The following ZBTB20 variants were observed in gnomAD, a reference collection of about 807,000 sequenced individuals.
ZBTB20 encodes zinc finger and BTB domain-containing protein 20.
ZBTB20 carries 9 observed loss-of-function variants against 56.9 expected under a neutral mutation model. The ratio of observed to expected loss-of-function variants is 0.16; its 90% CI spans 0.10 to 0.28. ZBTB20 has a LOEUF of 0.28. ZBTB20 is among the 10% of genes least tolerant of loss of function. The pLI, the probability that ZBTB20 is intolerant of heterozygous loss-of-function variation, is 1.00. For synonymous variants in ZBTB20, 417 were observed against 420.7 expected (o/e 0.99, Z 0.11); for missense variants, 655 against 1,003.0 (o/e 0.65, Z 4.69).
At chr3:114,880,060 T>C (rs1349236512) in intron 4 of ZBTB20, among the ~76,000 whole-genome samples, 1 of 152,242 alleles carries the variant, frequency 6.6e-6, no homozygotes, top group East Asian at 1.9e-4. Flanking sequence ...TAATGTACCC[T>C]GAATGTTTCA....
At chr3:115,062,927 T>C (rs558946105) in intron 2 of ZBTB20, among the ~76,000 whole-genome samples, 4 of 152,356 alleles carry the variant, frequency 2.6e-5, no homozygotes, top group African/African-American at 9.6e-5. Context: ...AAAGCAACTA[T>C]GTTTAATTTG....
chr3:115,009,711 T>C (rs533079534), intron 2 of ZBTB20, among the ~76,000 whole-genome samples: 1 of 152,076 alleles, frequency 6.6e-6, no homozygotes, highest in East Asian at 2.0e-4. Flanking sequence ...ATTAATGTTA[T>C]CACAGCAGTA....
intron 1 of ZBTB20, among the ~76,000 whole-genome samples, chr3:115,081,383 T>G (rs1488255893): frequency 6.6e-6 from 1 of 152,098 alleles, no homozygotes; most frequent in African/African-American, 2.4e-5. Context: ...GGAAATAAAC[T>G]ACACTATCCT....
At chr3:114,891,385 A>G (rs1358129225) in intron 4 of ZBTB20, among the ~76,000 whole-genome samples, 2 of 152,210 alleles carry the variant, frequency 1.3e-5, no homozygotes, top group East Asian at 1.9e-4. Context: ...AAAAACCTGT[A>G]TCATGTCTCC....
intron 5 of ZBTB20, among the ~76,000 whole-genome samples, chr3:114,769,869 G>A: frequency 6.6e-6 from 1 of 151,908 alleles, no homozygotes; most frequent in East Asian, 1.9e-4. Flanking sequence ...GACCAGCCTG[G>A]CCCACATGGT....
rs1340365002 is a variant in ZBTB20 at position 114,818,107 on chromosome 3, A to G, written c.-416-16933T>C. On this transcript the variant is annotated intron_variant, in intron 4 of 11. Coordinates refer to ENST00000675478, the MANE Select transcript of ZBTB20 (RefSeq NM_001348800.3). ...TGTGATTAGAAATTCCAATTTCCTA[A>G]TCTTACAGAATATAAACAATCTATA... Among the ~76,000 whole-genome samples, 3 of 152,172 alleles carry G rather than the reference A, an allele frequency of 2.0e-5. No individual in the cohort carries two copies. The South Asian group carries it at 6.2e-4, about 31-fold the overall frequency.
intron 2 of ZBTB20, among the ~76,000 whole-genome samples, chr3:115,039,131 C>T (rs2081045404): frequency 6.6e-6 from 1 of 151,894 alleles, no homozygotes; most frequent in Non-Finnish European, 1.5e-5. Context: ...ATAACAGTAT[C>T]TAGAATGAGG....
chr3:114,416,326 T>TAA (rs35964942), intron 7 of ZBTB20, among the ~76,000 whole-genome samples: 4 of 145,476 alleles, frequency 2.7e-5, no homozygotes, highest in African/African-American at 7.6e-5. Flanking sequence ...TAGCAATACT[T>TAA]AAAAAAAAAA....
intron 3 of ZBTB20, among the ~76,000 whole-genome samples, chr3:114,905,573 T>C (rs1456065215): frequency 1.3e-5 from 2 of 151,882 alleles, no homozygotes; most frequent in Non-Finnish European, 2.9e-5. Flanking sequence ...GCTAAAGGAA[T>C]GTTGCATGAA....
chr3:114,435,800 A>G (rs1328359517), intron 7 of ZBTB20, among the ~76,000 whole-genome samples: 2 of 152,168 alleles, frequency 1.3e-5, no homozygotes, highest in East Asian at 3.8e-4. Flanking sequence ...GCTAGCTCCT[A>G]TGTTAGCTAA....
chr3:114,495,452 TACACACAC>T (rs35156549), intron 7 of ZBTB20, among the ~76,000 whole-genome samples: 1,534 of 149,122 alleles, frequency 0.01, 25 homozygotes, highest in African/African-American at 0.035. Flanking sequence ...AGTCTGTGTA[TACACACAC>T]ACACACACAC....
At chr3:114,966,528 T>C (rs767777580) in intron 3 of ZBTB20, among the ~76,000 whole-genome samples, 4 of 152,138 alleles carry the variant, frequency 2.6e-5, no homozygotes, top group Non-Finnish European at 5.9e-5. Flanking sequence ...CCCCAAGAGA[T>C]AGATGTTATT....
intron 10 of ZBTB20, among the ~76,000 whole-genome samples, chr3:114,360,397 G>A (rs2081715883): frequency 6.7e-6 from 1 of 148,876 alleles, no homozygotes; most frequent in Non-Finnish European, 1.5e-5. Context: ...AGGCTGGAGT[G>A]CAGTGGCGCG....
intron 4 of ZBTB20, among the ~76,000 whole-genome samples, chr3:114,857,629 A>G (rs142121913): frequency 6.6e-6 from 1 of 152,304 alleles, no homozygotes; most frequent in East Asian, 1.9e-4. Context: ...AAGGAAAGCA[A>G]TTTACATCTC....
chr3:114,970,256 T>C (rs1184763541), intron 3 of ZBTB20, among the ~76,000 whole-genome samples: 2 of 152,212 alleles, frequency 1.3e-5, no homozygotes, highest in African/African-American at 2.4e-5. Context: ...CGGGTTAGTA[T>C]TACAAAGGTA....
intron 2 of ZBTB20, among the ~76,000 whole-genome samples, chr3:115,033,191 T>C (rs1002693914): frequency 2.0e-5 from 3 of 151,250 alleles, no homozygotes; most frequent in African/African-American, 7.3e-5. Flanking sequence ...CTACTACTAT[T>C]CTACAGAAAT....
intron 4 of ZBTB20, among the ~76,000 whole-genome samples, chr3:114,810,695 T>C (rs1166274074): frequency 6.6e-6 from 1 of 152,224 alleles, no homozygotes; most frequent in East Asian, 1.9e-4. Context: ...ATAGTGGGCA[T>C]AAACGACTTA....
At chr3:114,570,119 G>A (rs2053254776) in intron 6 of ZBTB20, among the ~76,000 whole-genome samples, 1 of 132,232 alleles carries the variant, frequency 7.6e-6, no homozygotes, top group Admixed American at 7.3e-5. Context: ...TAACAATTTG[G>A]GGGAAAGAAG....
chr3:114,837,205 T>G (rs2074164258), intron 4 of ZBTB20, among the ~76,000 whole-genome samples: 1 of 152,218 alleles, frequency 6.6e-6, no homozygotes, highest in African/African-American at 2.4e-5. Context: ...TCTACCCTGC[T>G]TTACTTTTCT....
Sources: allele counts gnomAD v4.1 joint callset (sites outside exome capture counted in the v4.1 genomes callset), GRCh38; gene constraint gnomAD v4.1.1; transcripts MANE v1.5; gene names NCBI Gene and HGNC (gene_info 2026-07-23, HGNC 2026-07-21).